NETO2: variants seen among roughly 807,000 people sequenced by gnomAD.
NETO2 encodes neuropilin and tolloid-like protein 2.
NETO2 carries 28 observed loss-of-function variants against 62.5 expected under a neutral mutation model. The ratio of observed to expected loss-of-function variants is 0.45; its 90% confidence interval spans 0.33 to 0.61. The LOEUF is 0.61. Ranked by LOEUF, NETO2 falls within the 20% of genes least tolerant of loss-of-function variation. NETO2 has a pLI of 0.02. For missense variants in NETO2, 548 were observed against 643.2 expected (o/e 0.85, Z 1.60); for synonymous variants, 214 against 219.1 (o/e 0.98, Z 0.21).
intron 6 of NETO2, among the ~76,000 whole-genome samples, chr16:47,116,400 C>A (rs148553344): frequency 8.5e-4 from 129 of 152,190 alleles, no homozygotes; most frequent in African/African-American, 2.8e-3. Context: ...TGGAGACAAT[C>A]ATAGTTTTCT....
chr16:47,089,954 A>G (rs926026680), intron 7 of NETO2, among the ~76,000 whole-genome samples: 3 of 152,130 alleles, frequency 2.0e-5, no homozygotes, highest in Non-Finnish European at 4.4e-5. Flanking sequence ...TCTACTACCT[A>G]TTTTATCTAG....
chr16:47,090,410 T>C (rs941281919), intron 7 of NETO2, among the ~76,000 whole-genome samples: 2 of 152,174 alleles, frequency 1.3e-5, no homozygotes, highest in African/African-American at 2.4e-5. Context: ...TGATATGGGA[T>C]TTTAATGGTA....
chr16:47,125,822 C>T (rs559997728), intron 4 of NETO2, among the ~76,000 whole-genome samples: 11 of 152,310 alleles, frequency 7.2e-5, no homozygotes, highest in Admixed American at 4.6e-4. Context: ...TCCCGAGTAG[C>T]TGGAATGACA....
intron 7 of NETO2, among the ~76,000 whole-genome samples, chr16:47,088,898 T>A (rs777580731): frequency 1.3e-5 from 2 of 152,180 alleles, no homozygotes; most frequent in Non-Finnish European, 2.9e-5. Context: ...GGTACCTAGA[T>A]AACTCCAAAA....
At chr16:47,109,736 G>T in intron 6 of NETO2, 25 bp from the exon 7 acceptor site, 1 of 1,484,230 alleles carries the variant, frequency 6.7e-7, no homozygotes, top group Non-Finnish European at 9.4e-7. Flanking sequence ...CAAAAACACT[G>T]CTTTTAAAAA....
chr16:47,128,253 T>C (rs1964194696), intron 4 of NETO2, 72 bp downstream of exon 4: 2 of 1,517,602 alleles, frequency 1.3e-6, no homozygotes, highest in Admixed American at 4.3e-5. Context: ...TAATCTCTTT[T>C]CTAACCTTAA....
At chr16:47,133,651 T>TAAAATAAAAA (rs1964314893) in intron 1 of NETO2, among the ~76,000 whole-genome samples, 2 of 137,616 alleles carry the variant, frequency 1.5e-5, no homozygotes, top group Non-Finnish European at 1.6e-5. Context: ...TAAAATAAAA[T>TAAAATAAAAA]AAAATAAAAT....
In NETO2 at chr16:47,115,714, C is replaced by CATATATATATATACAT. The variant is rs1555498121; in HGVS notation, c.655-6004_655-6003insATGTATATATATATAT. Among the ~76,000 whole-genome samples the CATATATATATATACAT allele has an allele frequency of 1.2e-3, 148 of 128,460 alleles. 1 individual carries two copies. Among genetic ancestry groups the CATATATATATATACAT allele is most frequent in the African/African-American group, 4.8e-3 (136 of 28,446 alleles). 84.3% of individuals were successfully genotyped at this position (128,460 alleles called of 152,430 possible). ...GCTAATTTTTATATATATATATATACATATATATATATATATACATGTATA... is the reference window on the plus strand; with the variant it reads ...GCTAATTTTTATATATATATATATACATATATATATATACATATATATATATATATATACATGTATA... On this transcript the variant is annotated intron_variant, in intron 6 of 8. Coordinates refer to ENST00000562435, the MANE Select transcript of NETO2 (RefSeq NM_018092.5).
intron 6 of NETO2, among the ~76,000 whole-genome samples, chr16:47,117,100 T>C (rs1420856441): frequency 1.3e-5 from 2 of 152,176 alleles, no homozygotes; most frequent in Non-Finnish European, 2.9e-5. Flanking sequence ...AGCAAGTGCA[T>C]AGGTGATAAA....
intron 7 of NETO2, among the ~76,000 whole-genome samples, chr16:47,089,840 G>A (rs1482070882): frequency 6.6e-6 from 1 of 151,850 alleles, no homozygotes; most frequent in Non-Finnish European, 1.5e-5. Context: ...GAAACATATA[G>A]CATTTTTGAT....
At chr16:47,112,771 C>CCTAA (rs1277504998) in intron 6 of NETO2, among the ~76,000 whole-genome samples, 1 of 152,174 alleles carries the variant, frequency 6.6e-6, no homozygotes, top group African/African-American at 2.4e-5. Context: ...ATACAACATT[C>CCTAA]TTCTATAGTC....
At chr16:47,096,201 TA>T (rs1356992687) in intron 7 of NETO2, among the ~76,000 whole-genome samples, 1 of 151,976 alleles carries the variant, frequency 6.6e-6, no homozygotes. Flanking sequence ...ATGCCTACAT[TA>T]AAAAAGAAGA....
chr16:47,130,083 A>C (rs1964234086), intron 2 of NETO2, among the ~76,000 whole-genome samples: 1 of 152,202 alleles, frequency 6.6e-6, no homozygotes, highest in Admixed American at 6.5e-5. Context: ...GGAGAAGGTA[A>C]AACAACAGGG....
intron 8 of NETO2, 38 bp downstream of exon 8, chr16:47,086,188 T>C: frequency 8.7e-7 from 1 of 1,154,262 alleles, no homozygotes; most frequent in Non-Finnish European, 1.3e-6. Flanking sequence ...CAATAGCCAC[T>C]CTTTTCTCAA....
At chr16:47,084,532 G>A (rs1282820103) in intron 8 of NETO2, among the ~76,000 whole-genome samples, 1 of 152,214 alleles carries the variant, frequency 6.6e-6, no homozygotes, top group Non-Finnish European at 1.5e-5. Context: ...ACAGCAGCAG[G>A]AGCCCTATTA....
chr16:47,085,726 T>C (rs1439613907), intron 8 of NETO2, among the ~76,000 whole-genome samples: 1 of 151,928 alleles, frequency 6.6e-6, no homozygotes, highest in African/African-American at 2.4e-5. Flanking sequence ...AGACAAAAAA[T>C]GCTTTTGTTT....
intron 1 of NETO2, among the ~76,000 whole-genome samples, chr16:47,140,994 AG>A: frequency 6.6e-6 from 1 of 152,244 alleles, no homozygotes; most frequent in East Asian, 1.9e-4. Context: ...TAACCTTGAC[AG>A]AAGATTAACT....
intron 6 of NETO2, among the ~76,000 whole-genome samples, chr16:47,116,744 T>C (rs1567392214): frequency 6.6e-6 from 1 of 152,222 alleles, no homozygotes; most frequent in African/African-American, 2.4e-5. Context: ...CATCTAGGCC[T>C]AGAGTTTTCT....
At chr16:47,121,000 A>G (rs905886837) in intron 6 of NETO2, among the ~76,000 whole-genome samples, 3 of 152,188 alleles carry the variant, frequency 2.0e-5, no homozygotes, top group African/African-American at 7.2e-5. Flanking sequence ...TCCGGGCATC[A>G]GACTTACACA....
Sources: gnomAD v4.1 joint callset for allele counts (sites outside exome capture counted in the v4.1 genomes callset) on GRCh38, gnomAD v4.1.1 for gene constraint, MANE v1.5 for transcripts, NCBI Gene and HGNC (gene_info 2026-07-23, HGNC 2026-07-21) for gene names.